The following RBPJ variants were observed in gnomAD, a reference collection of about 807,000 sequenced individuals.
RBPJ encodes the protein recombination signal binding protein for immunoglobulin kappa J region.
RBPJ carries 9 observed loss-of-function variants against 67.8 expected under a neutral mutation model. The ratio of observed to expected loss-of-function variants is 0.13; its 90% CI spans 0.08 to 0.23. The LOEUF (loss-of-function observed/expected upper bound fraction) is 0.23, where lower values mean the gene tolerates loss of function less well. Ranked by LOEUF, RBPJ falls within the 10% of genes least tolerant of loss-of-function variation. RBPJ has a pLI of 1.00. For missense variants in RBPJ, 305 were observed against 595.6 expected, an observed-to-expected ratio of 0.51 and a Z score of 5.08; for synonymous variants, 198 against 203.3, an observed-to-expected ratio of 0.97 and a Z score of 0.22.
chr4:26,353,542 C>A (rs1357046264), intron 1 of RBPJ, among the ~76,000 whole-genome samples: 2 of 151,734 alleles, frequency 1.3e-5, no homozygotes, highest in Non-Finnish European at 2.9e-5. Context: ...AAATATTAGA[C>A]AACCTTTTTA....
At chr4:26,239,559 TA>T (rs996595228) in intron 1 of RBPJ, among the ~76,000 whole-genome samples, 4 of 152,214 alleles carry the variant, frequency 2.6e-5, no homozygotes, top group Non-Finnish European at 4.4e-5. Context: ...AAAAGGCTTG[TA>T]AACTTTGCTC....
intron 7 of RBPJ, among the ~76,000 whole-genome samples, chr4:26,427,053 C>T (rs571979318): frequency 1.3e-5 from 2 of 152,176 alleles, no homozygotes; most frequent in African/African-American, 2.4e-5. Flanking sequence ...GCAATGCGGC[C>T]GTGGAAGCAG....
chr4:26,216,594 T>A (rs1718729349), intron 1 of RBPJ, among the ~76,000 whole-genome samples: 1 of 151,716 alleles, frequency 6.6e-6, no homozygotes, highest in Non-Finnish European at 1.5e-5. Context: ...TTGGAGACAG[T>A]GGGGAGCTCC....
chr4:26,295,271 G>GTGTGTGT (rs1560248894), intron 1 of RBPJ, among the ~76,000 whole-genome samples: 2 of 117,954 alleles, frequency 1.7e-5, no homozygotes, highest in African/African-American at 1.1e-4. Flanking sequence ...TGTGTGTGTG[G>GTGTGTGT]GTGTGTGTGT....
intron 1 of RBPJ, among the ~76,000 whole-genome samples, chr4:26,294,958 T>C (rs1367406840): frequency 2.0e-5 from 3 of 152,154 alleles, no homozygotes; most frequent in African/African-American, 7.2e-5. Flanking sequence ...ATAGGGCTGA[T>C]GACGGAAAGA....
chr4:26,231,086 C>A (rs1345687964), intron 1 of RBPJ, among the ~76,000 whole-genome samples: 1 of 152,090 alleles, frequency 6.6e-6, no homozygotes, highest in Admixed American at 6.6e-5. Flanking sequence ...GAAGAAACAG[C>A]CATTTCTGCG....
chr4:26,165,542 G>C (rs1475475200), intron 1 of RBPJ, among the ~76,000 whole-genome samples: 1 of 152,086 alleles, frequency 6.6e-6, no homozygotes, highest in African/African-American at 2.4e-5. Flanking sequence ...ATGATTCTAG[G>C]ATATATAATC....
At chr4:26,244,253 ATACAC>A (rs1719775264) in intron 1 of RBPJ, among the ~76,000 whole-genome samples, 1 of 4,468 alleles carries the variant, frequency 2.2e-4, no homozygotes, top group African/African-American at 7.1e-4. Context: ...ATGTGTACAC[ATACAC>A]ATATGTGTAC....
chr4:26,429,538 T>C lies in RBPJ; in HGVS notation c.889-360T>C, dbSNP rs189464633. Among the ~76,000 whole-genome samples, 50 of 152,344 alleles carry C rather than the reference T, an allele frequency of 3.3e-4. No homozygotes were observed. In the East Asian group the frequency reaches 9.6e-3, roughly 29 times the overall value. Reference sequence around the variant, plus strand: ...CCTAAGCATGAGGAGTCCCATTGTCTTTCTTAGGAGTCCTTGAAGAGTTTT... The same window carrying C: ...CCTAAGCATGAGGAGTCCCATTGTCCTTCTTAGGAGTCCTTGAAGAGTTTT... On this transcript the variant is annotated intron_variant, in intron 8 of 10. Coordinates refer to ENST00000355476, the MANE Select transcript of RBPJ (RefSeq NM_015874.6).
intron 1 of RBPJ, among the ~76,000 whole-genome samples, chr4:26,279,892 A>G (rs1721209664): frequency 1.3e-5 from 2 of 150,492 alleles, no homozygotes. Flanking sequence ...GGCTCAACCA[A>G]TCCTCCCATC....
At chr4:26,416,861 G>A (rs531054665) in intron 4 of RBPJ, among the ~76,000 whole-genome samples, 2 of 152,234 alleles carry the variant, frequency 1.3e-5, no homozygotes, top group South Asian at 2.1e-4. Context: ...AAATTTAGCT[G>A]TTTGTATGTC....
At chr4:26,148,184 T>C in the RBPJ span, among the ~76,000 whole-genome samples, 1 of 152,216 alleles carries the variant, frequency 6.6e-6, no homozygotes, top group East Asian at 1.9e-4. Flanking sequence ...AGATTTTCAC[T>C]TAAGCAACTG....
At chr4:26,279,671 C>G (rs151065136) in intron 1 of RBPJ, among the ~76,000 whole-genome samples, 1 of 151,772 alleles carries the variant, frequency 6.6e-6, no homozygotes, top group African/African-American at 2.4e-5. Flanking sequence ...CAAGCGGTGA[C>G]GAATTTCAGT....
At chr4:26,280,198 C>T (rs1721221138) in intron 1 of RBPJ, among the ~76,000 whole-genome samples, 1 of 151,654 alleles carries the variant, frequency 6.6e-6, no homozygotes, top group African/African-American at 2.4e-5. Context: ...AGTTGCAGAC[C>T]AGCCTGGCTA....
rs1473834839 is a variant in RBPJ, at chr4:26,432,935, C to A, written c.*1928C>A. On this transcript the variant is annotated 3_prime_UTR_variant, in exon 11 of 11. Transcript: ENST00000355476. ...CTCACTCTATGCTCAGACTATGCCA[C>A]TGTAAATATTCTTCCTAACATCTTT... 6.6e-6 allele frequency: 1 copy of A among 152,162 alleles called. No individual in the cohort carries two copies. Among genetic ancestry groups the A allele is most frequent in the Non-Finnish European group, 1.5e-5 (1 of 68,032 alleles). 9.4% of individuals were successfully genotyped at this position (152,162 alleles called of 1,614,324 possible).
chr4:26,272,766 G>A lies in RBPJ; in HGVS notation c.-166-89680G>A, dbSNP rs560021833. The A allele has an allele frequency of 1.1e-5, 5 of 446,762 alleles. No individual in the cohort carries two copies. In the East Asian group the frequency reaches 2.8e-4, roughly 25 times the overall value. The allele number at this position is 446,762 out of a possible 1,614,324, so 27.7% of individuals were successfully genotyped here. ...AACCATATTTGAAACCATGAGGTAG[G>A]TCTAACACCAGGAAGGGGGTGATGG... On this transcript the variant is annotated intron_variant, in intron 1 of 4. Coordinates refer to the RBPJ transcript ENST00000512351.
At position 26,431,184 on chromosome 4, in the gene RBPJ, T is replaced by TTAAAAAAAAAAAAAAAAAAAA. The variant is rs1373287080; in HGVS notation, c.*177_*178insTAAAAAAAAAAAAAAAAAAAA. 1 of 40,666 alleles carries TTAAAAAAAAAAAAAAAAAAAA rather than the reference T, an allele frequency of 2.5e-5. No homozygotes were observed. The highest frequency in any genetic ancestry group is 1.1e-4 in the African/African-American group (1 of 8,880). 2.5% of individuals were successfully genotyped at this position (40,666 alleles called of 1,614,324 possible). ...CTGATTTGAAATGCAGAAGCCACAG[T>TTAAAAAAAAAAAAAAAAAAAA]AAAAAAAAAAAAAAAAAAAAAAAAA... On this transcript the variant is annotated 3_prime_UTR_variant, in exon 11 of 11. Coordinates refer to ENST00000355476, the MANE Select transcript of RBPJ (RefSeq NM_015874.6).
the RBPJ span, chr4:26,112,247 T>A: frequency 6.5e-6 from 1 of 152,688 alleles, no homozygotes; most frequent in African/African-American, 2.4e-5. Context: ...GTACAAACCC[T>A]GTTTCTTCAA....
chr4:26,130,530 G>A, the RBPJ span, among the ~76,000 whole-genome samples: 3,135 of 152,104 alleles, frequency 0.021, 47 homozygotes, highest in Middle Eastern at 0.1. Context: ...CAAGCTTCAC[G>A]TCCTCTACTG....
Sources: allele counts gnomAD v4.1 joint callset (sites outside exome capture counted in the v4.1 genomes callset), GRCh38; gene constraint gnomAD v4.1.1; transcripts MANE v1.5; gene names NCBI Gene and HGNC (gene_info 2026-07-23, HGNC 2026-07-21).